NDST4: variants seen among roughly 807,000 people sequenced by gnomAD.
NDST4 encodes N-deacetylase and N-sulfotransferase 4.
A neutral mutation model predicts 100.8 loss-of-function variants in NDST4; 63 were observed. That is an observed-to-expected ratio of 0.62 (90% CI 0.51 to 0.77). The LOEUF (loss-of-function observed/expected upper bound fraction) is 0.77. NDST4 is among the 30% of genes least tolerant of loss of function. NDST4 has a pLI of 0.00. For missense variants in NDST4, 943 were observed against 1,018.4 expected (o/e 0.93, Z 1.01); for synonymous variants, 377 against 361.8 (o/e 1.04, Z -0.48).
At chr4:114,900,446 C>G (rs1438415062) in intron 6 of NDST4, among the ~76,000 whole-genome samples, 2 of 152,018 alleles carry the variant, frequency 1.3e-5, no homozygotes, top group Non-Finnish European at 2.9e-5. Context: ...GACTACATAA[C>G]AGTGTTTTAG....
At chr4:114,901,305 C>T (rs1724833256) in intron 6 of NDST4, among the ~76,000 whole-genome samples, 2 of 151,926 alleles carry the variant, frequency 1.3e-5, no homozygotes, top group African/African-American at 2.4e-5. Context: ...ATCGTTTTTG[C>T]CTTCAGTATT....
intron 4 of NDST4, among the ~76,000 whole-genome samples, chr4:114,946,551 A>G (rs1270334995): frequency 6.6e-6 from 1 of 152,194 alleles, no homozygotes; most frequent in Non-Finnish European, 1.5e-5. Context: ...ACTATTTGAG[A>G]AAGATTATTC....
intron 4 of NDST4, among the ~76,000 whole-genome samples, chr4:114,961,145 T>C (rs544371675): frequency 1.6e-4 from 24 of 152,052 alleles, no homozygotes; most frequent in Non-Finnish European, 2.8e-4. Context: ...AGGAAATATT[T>C]TGAGATGAAT....
At chr4:115,071,921 T>G (rs1450477155) in intron 2 of NDST4, among the ~76,000 whole-genome samples, 1 of 152,156 alleles carries the variant, frequency 6.6e-6, no homozygotes, top group Non-Finnish European at 1.5e-5. Flanking sequence ...CAATTCTCAA[T>G]TCCATTCAAA....
intron 2 of NDST4, among the ~76,000 whole-genome samples, chr4:115,062,808 C>T (rs1234573198): frequency 6.6e-6 from 1 of 151,638 alleles, no homozygotes; most frequent in Non-Finnish European, 1.5e-5. Flanking sequence ...ATAGTAAGTA[C>T]TACAAAGAAA....
chr4:114,872,789 G>A (rs1019946049), intron 6 of NDST4, among the ~76,000 whole-genome samples: 1 of 151,970 alleles, frequency 6.6e-6, no homozygotes, highest in African/African-American at 2.4e-5. Flanking sequence ...ACTTGTTCAA[G>A]TTCTACATCT....
At chr4:114,832,873 C>G (rs1343320162) in intron 12 of NDST4, among the ~76,000 whole-genome samples, 1 of 152,164 alleles carries the variant, frequency 6.6e-6, no homozygotes, top group East Asian at 1.9e-4. Context: ...AGTCTTCAAC[C>G]CACTGATCTC....
At chr4:114,843,464 T>G (rs1211247041) in intron 10 of NDST4, among the ~76,000 whole-genome samples, 1 of 152,240 alleles carries the variant, frequency 6.6e-6, no homozygotes, top group Admixed American at 6.5e-5. Flanking sequence ...TTCTATGTAA[T>G]AAACCAGTGT....
intron 1 of NDST4, among the ~76,000 whole-genome samples, chr4:115,104,684 G>T (rs909154389): frequency 6.6e-6 from 1 of 151,956 alleles, no homozygotes; most frequent in Admixed American, 6.6e-5. Context: ...TAAAATGTTG[G>T]TGAATGAAAT....
chr4:115,111,531 T>C (rs1253753637), intron 1 of NDST4, among the ~76,000 whole-genome samples: 3 of 151,776 alleles, frequency 2.0e-5, no homozygotes, highest in African/African-American at 7.2e-5. Context: ...AATAAGCCTA[T>C]CTTGGAGAAA....
At chr4:114,861,701 A>G (rs72679769) in intron 7 of NDST4, among the ~76,000 whole-genome samples, 15,473 of 151,964 alleles carry the variant, frequency 0.1, 1,062 homozygotes, top group African/African-American at 0.18. Context: ...GAGGATATAG[A>G]TTGCCCTACT....
intron 4 of NDST4, among the ~76,000 whole-genome samples, chr4:114,940,153 T>A (rs1221420438): frequency 1.3e-5 from 2 of 152,222 alleles, no homozygotes; most frequent in African/African-American, 4.8e-5. Flanking sequence ...CAAATATGGC[T>A]TTAATTATTT....
At chr4:114,924,351 T>C (rs958895376) in intron 6 of NDST4, among the ~76,000 whole-genome samples, 1 of 151,536 alleles carries the variant, frequency 6.6e-6, no homozygotes, top group Non-Finnish European at 1.5e-5. Context: ...TTTTACAAAA[T>C]CTCTGCTGTG....
At chr4:114,897,505 A>T (rs953277457) in intron 6 of NDST4, among the ~76,000 whole-genome samples, 2 of 152,154 alleles carry the variant, frequency 1.3e-5, no homozygotes, top group Admixed American at 1.3e-4. Flanking sequence ...TTCTTCCAAG[A>T]TTTGGCAATT....
intron 7 of NDST4, among the ~76,000 whole-genome samples, chr4:114,863,098 G>C (rs1723951521): frequency 6.6e-6 from 1 of 151,966 alleles, no homozygotes; most frequent in African/African-American, 2.4e-5. Context: ...GAACATGTTT[G>C]TTCAGACTTT....
chr4:114,865,063 T>A (rs949180484), intron 7 of NDST4, among the ~76,000 whole-genome samples: 8 of 137,670 alleles, frequency 5.8e-5, no homozygotes, highest in African/African-American at 9.6e-5. Flanking sequence ...GCGCTATCAT[T>A]TTTTTTTCTT....
intron 6 of NDST4, among the ~76,000 whole-genome samples, chr4:114,896,150 A>C (rs1347654513): frequency 6.6e-6 from 1 of 152,202 alleles, no homozygotes; most frequent in Non-Finnish European, 1.5e-5. Flanking sequence ...CCATTTAGCC[A>C]TTGACAATTA....
intron 1 of NDST4, among the ~76,000 whole-genome samples, chr4:115,102,787 C>T (rs1729758641): frequency 7.4e-6 from 1 of 135,324 alleles, no homozygotes; most frequent in Non-Finnish European, 1.5e-5. Flanking sequence ...CAGTTCATTG[C>T]AACCTCCACC....
intron 1 of NDST4, among the ~76,000 whole-genome samples, chr4:115,089,205 T>C (rs932461185): frequency 2.6e-5 from 4 of 152,060 alleles, no homozygotes; most frequent in Non-Finnish European, 5.9e-5. Flanking sequence ...CTTCAGTTTC[T>C]TCATTTTCTA....
Sources: allele counts gnomAD v4.1 joint callset (sites outside exome capture counted in the v4.1 genomes callset), GRCh38; gene constraint gnomAD v4.1.1; transcripts MANE v1.5; gene names NCBI Gene and HGNC (gene_info 2026-07-23, HGNC 2026-07-21).